TRPM3: variants seen among roughly 807,000 people sequenced by gnomAD.
The protein encoded by TRPM3 is transient receptor potential cation channel subfamily M member 3, also known as long transient receptor potential channel 3.
Under a neutral mutation model 181.2 loss-of-function variants are expected in TRPM3, and 77 were observed. The ratio of observed to expected loss-of-function variants is 0.42; its 90% CI spans 0.35 to 0.51. The LOEUF (loss-of-function observed/expected upper bound fraction) is 0.51. Among genes scored for constraint, TRPM3 ranks in the 20% least tolerant of loss-of-function variants. The pLI is 0.01. For synonymous variants in TRPM3, 745 were observed against 796.4 expected (o/e 0.94, Z 1.09); for missense variants, 1,759 against 2,196.7 (o/e 0.80, Z 3.98).
intron 1 of TRPM3, among the ~76,000 whole-genome samples, chr9:71,086,088 A>G (rs1240849944): frequency 6.6e-6 from 1 of 152,028 alleles, no homozygotes; most frequent in Non-Finnish European, 1.5e-5. Context: ...TAAGCAAATG[A>G]ATGCAGGAAC....
intron 1 of TRPM3, among the ~76,000 whole-genome samples, chr9:71,252,989 G>A (rs2082444906): frequency 6.6e-6 from 1 of 151,538 alleles, no homozygotes; most frequent in Non-Finnish European, 1.5e-5. Flanking sequence ...GCATGGCCAA[G>A]ATTTCTTTCA....
intron 3 of TRPM3, among the ~76,000 whole-genome samples, chr9:70,856,550 T>C (rs2095393935): frequency 6.6e-6 from 1 of 152,182 alleles, no homozygotes; most frequent in Non-Finnish European, 1.5e-5. Context: ...ATTAAGAGCA[T>C]AAGCTTGTAG....
chr9:70,835,014 C>A (rs984357587), intron 5 of TRPM3, among the ~76,000 whole-genome samples: 3 of 152,106 alleles, frequency 2.0e-5, no homozygotes, highest in Non-Finnish European at 4.4e-5. Flanking sequence ...GCCCTCCCCA[C>A]GGTAATTAGG....
chr9:71,208,115 A>T (rs2079239383), intron 1 of TRPM3, among the ~76,000 whole-genome samples: 1 of 152,164 alleles, frequency 6.6e-6, no homozygotes, highest in African/African-American at 2.4e-5. Context: ...AGAGAACTGG[A>T]AAAGAAGATT....
chr9:70,843,245 G>C, intron 4 of TRPM3, 118 bp from the exon 5 acceptor site: 1 of 1,119,406 alleles, frequency 8.9e-7, no homozygotes, highest in Non-Finnish European at 1.2e-6. Context: ...ATAAAATTTT[G>C]ACACATTTCT....
chr9:70,659,963 G>A (rs556351031), intron 9 of TRPM3, among the ~76,000 whole-genome samples: 1 of 152,106 alleles, frequency 6.6e-6, no homozygotes, highest in African/African-American at 2.4e-5. Flanking sequence ...TTGTTCTTTT[G>A]TCTGTTGTTG....
At position 70,766,943 on chromosome 9, in the gene TRPM3, G is replaced by A. The variant is rs573183149; in HGVS notation, c.1149-5219C>T. 8.5e-5 allele frequency among the ~76,000 whole-genome samples: 13 copies of A among 152,346 alleles called. No homozygotes were observed. In the East Asian group the frequency reaches 2.1e-3, roughly 25 times the overall value. On this transcript the variant is annotated intron_variant, in intron 7 of 25. Transcript: ENST00000677713. The stretch of plus-strand genomic sequence containing the variant: ...ATAATAGTACTTATCTCATAGGCTT[G>A]TGAATATTAAATGAGTTAAGCTTTG...
At chr9:70,656,355 A>G (rs957225060) in intron 9 of TRPM3, among the ~76,000 whole-genome samples, 3 of 152,250 alleles carry the variant, frequency 2.0e-5, no homozygotes, top group Non-Finnish European at 4.4e-5. Flanking sequence ...TAGTAAGATT[A>G]CCATAACTTC....
chr9:70,983,697 G>A (rs1170841258), intron 1 of TRPM3, among the ~76,000 whole-genome samples: 3 of 152,178 alleles, frequency 2.0e-5, no homozygotes, highest in Non-Finnish European at 4.4e-5. Context: ...GCTGTAGACA[G>A]GATAGCTAGA....
At chr9:70,844,482 A>C (rs551466823) in intron 4 of TRPM3, among the ~76,000 whole-genome samples, 31 of 152,308 alleles carry the variant, frequency 2.0e-4, no homozygotes, top group Admixed American at 1.3e-4. Context: ...AAAAACAACA[A>C]AACAAAACTC....
chr9:70,979,896 G>A, intron 1 of TRPM3, among the ~76,000 whole-genome samples: 1 of 151,926 alleles, frequency 6.6e-6, no homozygotes, highest in Non-Finnish European at 1.5e-5. Context: ...GAAGGGGTAG[G>A]GACACAGTCC....
intron 1 of TRPM3, among the ~76,000 whole-genome samples, chr9:71,243,432 T>A (rs2081841332): frequency 6.6e-6 from 1 of 152,210 alleles, no homozygotes; most frequent in African/African-American, 2.4e-5. Flanking sequence ...CCTGACTGCA[T>A]GGTGCTGCCC....
chr9:71,010,794 G>C (rs1266229172), intron 1 of TRPM3, among the ~76,000 whole-genome samples: 1 of 151,976 alleles, frequency 6.6e-6, no homozygotes, highest in Non-Finnish European at 1.5e-5. Context: ...CAAAAGAAAT[G>C]AAATTGGTTA....
intron 9 of TRPM3, among the ~76,000 whole-genome samples, chr9:70,678,008 G>C (rs992759659): frequency 6.6e-6 from 1 of 150,418 alleles, no homozygotes; most frequent in East Asian, 2.0e-4. Context: ...ACATACTTAT[G>C]TTCAAAAATT....
intron 6 of TRPM3, among the ~76,000 whole-genome samples, chr9:70,807,782 G>A (rs1401210061): frequency 6.6e-6 from 1 of 152,118 alleles, no homozygotes; most frequent in African/African-American, 2.4e-5. Context: ...CTGATATAGA[G>A]CACAGCAAGA....
At chr9:71,232,518 T>TTTTG (rs2081121784) in intron 1 of TRPM3, among the ~76,000 whole-genome samples, 1 of 120,478 alleles carries the variant, frequency 8.3e-6, no homozygotes, top group African/African-American at 3.0e-5. Context: ...TTTTTTTTTT[T>TTTTG]GAGACAGGGT....
At chr9:70,690,757 G>A (rs1339451705) in intron 8 of TRPM3, among the ~76,000 whole-genome samples, 1 of 152,084 alleles carries the variant, frequency 6.6e-6, no homozygotes, top group African/African-American at 2.4e-5. Context: ...ACTCTTGATA[G>A]GGATCCAAAC....
chr9:71,114,096 ACCTT>A (rs532687638), intron 1 of TRPM3, among the ~76,000 whole-genome samples: 345 of 152,272 alleles, frequency 2.3e-3, no homozygotes, highest in African/African-American at 7.8e-3. Flanking sequence ...AATTCTTCCT[ACCTT>A]CCTTATCAGT....
chr9:71,208,412 C>G (rs904555304), intron 1 of TRPM3, among the ~76,000 whole-genome samples: 1 of 151,606 alleles, frequency 6.6e-6, no homozygotes, highest in Non-Finnish European at 1.5e-5. Flanking sequence ...AGGCTTTCAT[C>G]CTTTACCCAC....
Sources: allele counts gnomAD v4.1 joint callset (sites outside exome capture counted in the v4.1 genomes callset), GRCh38; gene constraint gnomAD v4.1.1; transcripts MANE v1.5; gene names NCBI Gene and HGNC (gene_info 2026-07-23, HGNC 2026-07-21).